The following RASGEF1A variants were observed in gnomAD, a reference collection of about 807,000 sequenced individuals.
The protein encoded by RASGEF1A is RasGEF domain family member 1A.
RASGEF1A carries 18 observed loss-of-function variants against 56.4 expected under a neutral mutation model. The observed-to-expected ratio is 0.32, with a 90% confidence interval of 0.22 to 0.47. The LOEUF is 0.47. Among genes scored for constraint, RASGEF1A ranks in the 20% least tolerant of loss-of-function variants. The pLI is 1.00. For synonymous variants in RASGEF1A, 245 were observed against 242.6 expected (o/e 1.01, Z -0.09); for missense variants, 422 against 627.1 (o/e 0.67, Z 3.49).
At chr10:43,210,764 C>A (rs547540431) in intron 1 of RASGEF1A, among the ~76,000 whole-genome samples, 15 of 152,346 alleles carry the variant, frequency 9.8e-5, no homozygotes, top group South Asian at 2.1e-4. Flanking sequence ...ACAGACGGGG[C>A]CGGGGCCAGC....
chr10:43,197,918 C>G, intron 10 of RASGEF1A, 86 bp downstream of exon 10: 3 of 1,241,152 alleles, frequency 2.4e-6, no homozygotes, highest in Non-Finnish European at 3.4e-6. Flanking sequence ...AGGAAACCCA[C>G]AGATCCCGAC....
At chr10:43,204,076 C>T (rs1449717424) in intron 2 of RASGEF1A, among the ~76,000 whole-genome samples, 2 of 152,192 alleles carry the variant, frequency 1.3e-5, no homozygotes, top group Non-Finnish European at 1.5e-5. Context: ...TCGAGATCCT[C>T]GTGGGCTGGG....
intron 1 of RASGEF1A, among the ~76,000 whole-genome samples, chr10:43,232,146 A>T (rs933755619): frequency 4.6e-5 from 7 of 152,202 alleles, no homozygotes; most frequent in Admixed American, 1.3e-4. Context: ...CCCCACCCAA[A>T]TCTCATGTTC....
intron 1 of RASGEF1A, among the ~76,000 whole-genome samples, chr10:43,253,772 G>A (rs547201372): frequency 8.5e-4 from 130 of 152,356 alleles, no homozygotes; most frequent in African/African-American, 2.9e-3. Flanking sequence ...GCCGGCCAGC[G>A]CCTTGACCTC....
intron 1 of RASGEF1A, among the ~76,000 whole-genome samples, chr10:43,242,364 A>G (rs1840511937): frequency 6.6e-6 from 1 of 152,208 alleles, no homozygotes; most frequent in Admixed American, 6.5e-5. Flanking sequence ...CCAAAATTCA[A>G]GAAGCAAAAA....
chr10:43,207,520 A>G (rs1840014242), intron 1 of RASGEF1A: 5 of 985,244 alleles, frequency 5.1e-6, no homozygotes, highest in Non-Finnish European at 6.0e-6. Context: ...CCAAACACCT[A>G]AAGGTTTCCT....
At chr10:43,260,599 C>T (rs2133231576) in intron 1 of RASGEF1A, among the ~76,000 whole-genome samples, 1 of 152,286 alleles carries the variant, frequency 6.6e-6, no homozygotes, top group Admixed American at 6.5e-5. Context: ...GGTCCGCCCC[C>T]CTCTCAGGAC....
intron 1 of RASGEF1A, among the ~76,000 whole-genome samples, chr10:43,239,656 CT>C (rs1014781155): frequency 1.3e-5 from 2 of 152,210 alleles, no homozygotes; most frequent in Non-Finnish European, 2.9e-5. Flanking sequence ...ATGAAAACCA[CT>C]GGCGTAGCAG....
At chr10:43,241,491 T>C (rs1259054236) in intron 1 of RASGEF1A, among the ~76,000 whole-genome samples, 2 of 152,180 alleles carry the variant, frequency 1.3e-5, no homozygotes, top group East Asian at 3.8e-4. Flanking sequence ...ATATAACATA[T>C]ACATAGTTAT....
intron 4 of RASGEF1A, 127 bp from the exon 5 acceptor site, chr10:43,201,015 C>T (rs1839888514): frequency 3.7e-6 from 3 of 813,462 alleles, no homozygotes; most frequent in East Asian, 5.2e-5. Context: ...CCTATCTAAA[C>T]CGCAGCCTTC....
intron 2 of RASGEF1A, among the ~76,000 whole-genome samples, chr10:43,205,055 G>A (rs1839973249): frequency 6.6e-6 from 1 of 152,260 alleles, no homozygotes; most frequent in African/African-American, 2.4e-5. Flanking sequence ...CAGGAAGGCA[G>A]TGGAGGTCTG....
At chr10:43,251,752 C>A (rs1196827558) in intron 1 of RASGEF1A, among the ~76,000 whole-genome samples, 1 of 152,210 alleles carries the variant, frequency 6.6e-6, no homozygotes, top group Non-Finnish European at 1.5e-5. Context: ...TCACGGGACA[C>A]CTCTGCTTCT....
intron 1 of RASGEF1A, among the ~76,000 whole-genome samples, chr10:43,225,580 T>TGTGTGC (rs1564535991): frequency 8.8e-5 from 13 of 148,452 alleles, no homozygotes; most frequent in Admixed American, 3.3e-4. Context: ...TGTATGGGTG[T>TGTGTGC]GTGTGTGTGT....
chr10:43,259,921 G>T (rs1836495786), intron 1 of RASGEF1A, among the ~76,000 whole-genome samples: 1 of 152,080 alleles, frequency 6.6e-6, no homozygotes, highest in Non-Finnish European at 1.5e-5. Context: ...GGGGCAGGGC[G>T]GGGACGGCAG....
chr10:43,229,491 G>A (rs1035937637), intron 1 of RASGEF1A: 1 of 576,446 alleles, frequency 1.7e-6, no homozygotes, highest in East Asian at 3.6e-5. Flanking sequence ...GCTCCAGCGG[G>A]GACGCACAGA....
Position 43,237,937 on chromosome 10 carries a change from C to A in RASGEF1A, c.-7+28908G>T, listed in dbSNP as rs111766982. ...CAGGCACAGGCAAACAGAGACCCAG[C>A]CATTGTACCTGTGGGCGGGGATCTG... On this transcript the variant is annotated intron_variant, in intron 1 of 12. Coordinates refer to ENST00000395810, the MANE Select transcript of RASGEF1A (RefSeq NM_145313.4). 5.0e-3 allele frequency among the ~76,000 whole-genome samples: 758 copies of A among 152,348 alleles called. 4 individuals are homozygous for A. Among genetic ancestry groups the A allele is most frequent in the African/African-American group, 0.017 (707 of 41,578 alleles).
chr10:43,201,849 C>G lies in RASGEF1A; in HGVS notation c.418G>C (p.Glu140Gln). Reference protein sequence around the residue: ...YDFQDEKAMAELKAITHRVTQ... With the variant: ...YDFQDEKAMAQLKAITHRVTQ... ...ACACGGTGTGTGATGGCTTTCAGCTCGGCCATGGCCTTCTCATCCTGGAAG... is the reference window on the plus strand; with the variant it reads ...ACACGGTGTGTGATGGCTTTCAGCTGGGCCATGGCCTTCTCATCCTGGAAG... The change falls in exon 4 of 13, where the codon GAG becomes CAG. Residue 140 changes from glutamate (E) to glutamine (Q), a missense_variant. Transcript: ENST00000395810. 1.2e-6 allele frequency: 2 copies of G among 1,610,946 alleles called. No homozygotes were observed. The highest frequency in any genetic ancestry group is 1.7e-6 in the Non-Finnish European group (2 of 1,178,144).
chr10:43,218,803 G>A (rs905038138), intron 1 of RASGEF1A, among the ~76,000 whole-genome samples: 6 of 152,274 alleles, frequency 3.9e-5, no homozygotes, highest in Non-Finnish European at 5.9e-5. Flanking sequence ...GCCCGCTCCA[G>A]AGGCCTGGCC....
intron 1 of RASGEF1A, among the ~76,000 whole-genome samples, chr10:43,240,520 A>T (rs1159117451): frequency 6.6e-6 from 1 of 152,234 alleles, no homozygotes; most frequent in African/African-American, 2.4e-5. Context: ...CAATAAAGGA[A>T]TACAAATTAT....
Sources: gnomAD v4.1 joint callset for allele counts (sites outside exome capture counted in the v4.1 genomes callset) on GRCh38, gnomAD v4.1.1 for gene constraint, MANE v1.5 for transcripts, NCBI Gene and HGNC (gene_info 2026-07-23, HGNC 2026-07-21) for gene names.